The following GRK7 variants were observed in gnomAD, a reference collection of about 807,000 sequenced individuals.
GRK7 encodes G protein-coupled receptor kinase 7.
Under a neutral mutation model 34.1 loss-of-function variants are expected in GRK7, and 24 were observed. The observed-to-expected ratio is 0.70, with a 90% CI of 0.51 to 0.99. GRK7 has a LOEUF of 0.99. Among genes scored for constraint, GRK7 ranks in the 50% least tolerant of loss-of-function variants. The pLI, the probability that GRK7 is intolerant of heterozygous loss-of-function variation, is 0.00. For missense variants in GRK7, 644 were observed against 707.3 expected (o/e 0.91, Z 1.02); for synonymous variants, 256 against 279.4 (o/e 0.92, Z 0.84).
intron 4 of GRK7, among the ~76,000 whole-genome samples, chr3:141,799,714 G>A (rs894826007): frequency 3.3e-5 from 5 of 152,044 alleles, no homozygotes; most frequent in Non-Finnish European, 5.9e-5. Context: ...CAAAATGGAC[G>A]CTATCTCATA....
chr3:141,772,730 TTTCTC>T (rs1234870355), intron 1 of GRK7, among the ~76,000 whole-genome samples: 1 of 152,226 alleles, frequency 6.6e-6, no homozygotes, highest in African/African-American at 2.4e-5. Context: ...ATTTTTTTCT[TTTCTC>T]TAGGTTACAA....
At chr3:141,811,266 C>T (rs771103356) in intron 5 of GRK7, among the ~76,000 whole-genome samples, 21 of 151,618 alleles carry the variant, frequency 1.4e-4, no homozygotes, top group East Asian at 5.8e-4. Context: ...TGAAGTGAGC[C>T]AAGATCGCGC....
chr3:141,799,373 G>A (rs1179630044), intron 4 of GRK7, among the ~76,000 whole-genome samples: 2 of 152,224 alleles, frequency 1.3e-5, no homozygotes, highest in Admixed American at 6.5e-5. Flanking sequence ...AGCCCTTTGG[G>A]AGGCTGTGGC....
chr3:141,816,716 A>G lies in GRK7; in HGVS notation c.1328A>G (p.Glu443Gly), dbSNP rs36009541. The G allele has an allele frequency of 0.12, 177,744 of 1,513,686 alleles. 11,395 individuals carry two copies. The highest frequency in any genetic ancestry group is 0.13 in the Non-Finnish European group (151,646 of 1,129,558). 93.8% of individuals were successfully genotyped at this position (1,513,686 alleles called of 1,614,324 possible). The change falls in exon 6 of 6, where the codon GAA (glutamate) becomes GGA (glycine). Residue 443 changes from glutamate to glycine, a missense_variant and splice_region_variant. By Grantham distance (98) the Glu-to-Gly change is moderately conservative (BLOSUM62 -2). Transcript: ENST00000682958. Reference protein sequence around the residue: ...KKPEQRLGSREKSDDPRKHHF... With the variant: ...KKPEQRLGSRGKSDDPRKHHF... ...CTGATCATCTCCTTTCTTCACAGAG[A>G]AAAGTCTGATGATCCCAGGAAACAT...
the GRK7 span, among the ~76,000 whole-genome samples, chr3:141,754,835 G>C: frequency 6.6e-6 from 1 of 152,046 alleles, no homozygotes; most frequent in Non-Finnish European, 1.5e-5. Context: ...CTTAGAATTG[G>C]AATCTTAGAG....
intron 4 of GRK7, among the ~76,000 whole-genome samples, chr3:141,802,976 A>G (rs925321694): frequency 6.6e-6 from 1 of 152,184 alleles, no homozygotes; most frequent in Non-Finnish European, 1.5e-5. Flanking sequence ...TCTTCCAAGC[A>G]TAGAGCAAAG....
Position 141,763,721 on chromosome 3 carries a change from G to C in GRK7, c.-2232G>C, listed in dbSNP as rs1020636981. Among the ~76,000 whole-genome samples, 2 of 152,084 alleles carry C rather than the reference G, an allele frequency of 1.3e-5. No individual in the cohort carries two copies. The highest frequency in any genetic ancestry group is 2.9e-5 in the Non-Finnish European group (2 of 67,998). Reference sequence around the variant, plus strand: ...TCAACACAAGAAACCCAGTTTTCCAGCTCAACTCACATTCTCCTAACTCTA... The same window carrying C: ...TCAACACAAGAAACCCAGTTTTCCACCTCAACTCACATTCTCCTAACTCTA... On this transcript the variant is annotated 5_prime_UTR_variant, in exon 1 of 6. Coordinates refer to ENST00000682958, the MANE Select transcript of GRK7 (RefSeq NM_139209.3).
chr3:141,754,661 C>T, the GRK7 span, among the ~76,000 whole-genome samples: 2 of 151,970 alleles, frequency 1.3e-5, no homozygotes, highest in African/African-American at 4.8e-5. Context: ...AGAGATGAAG[C>T]TTTTGGTTTT....
chr3:141,753,627 T>C, the GRK7 span, among the ~76,000 whole-genome samples: 3 of 152,324 alleles, frequency 2.0e-5, no homozygotes, highest in Admixed American at 6.5e-5. Context: ...GCTCCCCTCC[T>C]GCTGTGCAGC....
intron 4 of GRK7, among the ~76,000 whole-genome samples, chr3:141,804,081 C>G (rs1443655140): frequency 6.6e-6 from 1 of 152,212 alleles, no homozygotes; most frequent in African/African-American, 2.4e-5. Flanking sequence ...TTTGCTTTAT[C>G]AAATGTCCAT....
At chr3:141,814,947 C>T (rs1218681375) in intron 5 of GRK7, among the ~76,000 whole-genome samples, 15 of 123,556 alleles carry the variant, frequency 1.2e-4, no homozygotes, top group South Asian at 2.7e-4. Flanking sequence ...TTTTTAGAGA[C>T]GGAGTCTCTC....
Position 141,778,567 on chromosome 3 carries a change from C to T in GRK7, c.283C>T (p.Leu95=). Reference sequence around the variant, plus strand: ...CCTAGAGGACGTGCAGAACTGGGAGCTGGCCGAGGAGGGACCCACCAAAGA... The same window carrying T: ...CCTAGAGGACGTGCAGAACTGGGAGTTGGCCGAGGAGGGACCCACCAAAGA... ...TFLEDVQNWE[L]AEEGPTKDSA... is the part of the protein sequence containing the mutation. The change falls in exon 3 of 6, where the codon CTG becomes TTG. Residue 95 remains leucine (L), a synonymous_variant. Coordinates refer to ENST00000682958, the MANE Select transcript of GRK7 (RefSeq NM_139209.3). The surrounding 1 kb of genome is among the most constrained non-coding windows in gnomAD (Gnocchi z 4.1). 1 of 1,613,234 alleles carries T rather than the reference C, an allele frequency of 6.2e-7. No homozygotes were observed. Among genetic ancestry groups the T allele is most frequent in the South Asian group, 1.1e-5 (1 of 91,072 alleles).
Position 141,799,372 on chromosome 3 carries a change from G to A in GRK7, c.1051-8273G>A, listed in dbSNP as rs558256683. On this transcript the variant is annotated intron_variant, in intron 4 of 5. Coordinates refer to ENST00000682958, the MANE Select transcript of GRK7 (RefSeq NM_139209.3). Reference sequence around the variant, plus strand: ...TCACGCCTGTAATCCCAGCCCTTTGGGAGGCTGTGGCGGATGGATCACAGG... The same window carrying A: ...TCACGCCTGTAATCCCAGCCCTTTGAGAGGCTGTGGCGGATGGATCACAGG... 7.3e-4 allele frequency among the ~76,000 whole-genome samples: 111 copies of A among 152,304 alleles called. 1 individual carries two copies. Among genetic ancestry groups the A allele is most frequent in the South Asian group, 4.6e-3 (22 of 4,822 alleles).
intron 4 of GRK7, among the ~76,000 whole-genome samples, chr3:141,805,002 T>C (rs1273644223): frequency 2.1e-5 from 3 of 140,236 alleles, no homozygotes; most frequent in African/African-American, 8.0e-5. Context: ...ACACATACAC[T>C]CACACACACT....
At chr3:141,763,060 G>C (rs542586199), upstream of GRK7, among the ~76,000 whole-genome samples, 1 of 152,360 alleles carries the variant, frequency 6.6e-6, no homozygotes, top group Admixed American at 6.5e-5. Flanking sequence ...CAGTACCTCA[G>C]ATGGAAATGC....
rs2084574594 is a variant in GRK7 at position 141,765,158 on chromosome 3, A to G, written c.-795A>G. Among the ~76,000 whole-genome samples, 2 of 152,094 alleles carry G rather than the reference A, an allele frequency of 1.3e-5. No individual in the cohort carries two copies. Among genetic ancestry groups the G allele is most frequent in the African/African-American group, 4.8e-5 (2 of 41,440 alleles). On this transcript the variant is annotated 5_prime_UTR_variant, in exon 1 of 6. Transcript: ENST00000682958. The stretch of plus-strand genomic sequence containing the variant: ...TCTGCTCTGTTTCCTCTCTGAGGAC[A>G]TTTCCTGCTGCGGGCCCCTCACTCT...
chr3:141,804,386 T>G (rs1711002230), intron 4 of GRK7, among the ~76,000 whole-genome samples: 1 of 152,272 alleles, frequency 6.6e-6, no homozygotes, highest in East Asian at 1.9e-4. Flanking sequence ...AAATCATGTA[T>G]TCTAGAAACA....
At chr3:141,751,390 C>T in the GRK7 span, among the ~76,000 whole-genome samples, 1 of 152,162 alleles carries the variant, frequency 6.6e-6, no homozygotes, top group Non-Finnish European at 1.5e-5. Context: ...AAAAAGTCTT[C>T]TCTCTTCAGA....
chr3:141,792,002 TAAAAAAA>T (rs11324121), intron 4 of GRK7, among the ~76,000 whole-genome samples: 5 of 81,500 alleles, frequency 6.1e-5, no homozygotes, highest in African/African-American at 1.0e-4. Flanking sequence ...AGACTCCATC[TAAAAAAA>T]AAAAAAAAAA....
Sources: gnomAD v4.1 joint callset for allele counts (sites outside exome capture counted in the v4.1 genomes callset) on GRCh38, gnomAD v4.1.1 for gene constraint, Gnocchi (gnomAD v3.1) non-coding constraint, MANE v1.5 for transcripts, NCBI Gene and HGNC (gene_info 2026-07-23, HGNC 2026-07-21) for gene names.